Variants in PSD3 observed in about 807,000 individuals in gnomAD.
PSD3 encodes pleckstrin and Sec7 domain containing 3.
PSD3 carries 49 observed loss-of-function variants against 105.5 expected under a neutral mutation model. The ratio of observed to expected loss-of-function variants is 0.46; its 90% CI spans 0.37 to 0.59. The LOEUF (loss-of-function observed/expected upper bound fraction) is 0.59, where lower values mean the gene tolerates loss of function less well. PSD3 is among the 20% of genes least tolerant of loss of function. The pLI, the probability that PSD3 is intolerant of heterozygous loss-of-function variation, is 0.00. For synonymous variants in PSD3, 557 were observed against 457.8 expected (o/e 1.22, Z -2.77); for missense variants, 1,561 against 1,263.8 (o/e 1.24, Z -3.57).
chr8:18,594,645 A>G (rs1428698923), intron 12 of PSD3, among the ~76,000 whole-genome samples: 1 of 151,136 alleles, frequency 6.6e-6, no homozygotes, highest in African/African-American at 2.4e-5. Flanking sequence ...AGGACTTGGT[A>G]TCCGTGGGAG....
chr8:18,889,954 T>C (rs946660953), intron 2 of PSD3, among the ~76,000 whole-genome samples: 3 of 152,214 alleles, frequency 2.0e-5, no homozygotes, highest in African/African-American at 7.2e-5. Flanking sequence ...TTTTATTTGA[T>C]ATAATGTGTT....
chr8:18,582,035 CTTACT>C lies in PSD3; in HGVS notation c.2482-6755_2482-6751del, dbSNP rs890189822. On this transcript the variant is annotated intron_variant, in intron 12 of 15. Transcript: ENST00000327040. ...TGGGGGAAAGGAACAAAGATAAGGA[CTTACT>C]TTACTTTAGAGTTCAATCAACAACA... Among the ~76,000 whole-genome samples, 27 of 152,152 alleles carry C rather than the reference CTTACT, an allele frequency of 1.8e-4. 1 individual carries two copies. Among genetic ancestry groups the C allele is most frequent in the African/African-American group, 6.0e-4 (25 of 41,526 alleles).
chr8:19,055,563 CT>C (rs34398292), intron 1 of PSD3, among the ~76,000 whole-genome samples: 29 of 152,174 alleles, frequency 1.9e-4, no homozygotes, highest in Admixed American at 1.6e-3. Flanking sequence ...GATTTGTAGA[CT>C]TTTTTTTCAC....
chr8:18,645,783 A>G (rs951804264), intron 10 of PSD3, among the ~76,000 whole-genome samples: 4 of 152,202 alleles, frequency 2.6e-5, no homozygotes, highest in Non-Finnish European at 5.9e-5. Context: ...GAGCACCTCA[A>G]GTGGAGAACT....
intron 13 of PSD3, among the ~76,000 whole-genome samples, chr8:18,573,857 G>A (rs911863668): frequency 6.6e-6 from 1 of 152,128 alleles, no homozygotes; most frequent in Non-Finnish European, 1.5e-5. Flanking sequence ...TTCAAAACTA[G>A]ATTGTGGTGA....
intron 11 of PSD3, among the ~76,000 whole-genome samples, chr8:18,620,052 G>C (rs755747429): frequency 2.0e-5 from 3 of 152,244 alleles, no homozygotes; most frequent in East Asian, 1.9e-4. Context: ...CTGCTTCTAC[G>C]TGATAAGGGC....
intron 9 of PSD3, among the ~76,000 whole-genome samples, chr8:18,723,916 C>A (rs538893059): frequency 1.4e-4 from 22 of 152,152 alleles, no homozygotes; most frequent in Non-Finnish European, 2.8e-4. Context: ...ATGTGATTGG[C>A]AACTTCCGTT....
intron 1 of PSD3, among the ~76,000 whole-genome samples, chr8:18,946,179 T>C (rs1019256860): frequency 1.2e-4 from 18 of 152,170 alleles, no homozygotes; most frequent in Non-Finnish European, 1.8e-4. Context: ...TAATTAAAAA[T>C]TTTTTATTGC....
intron 4 of PSD3, among the ~76,000 whole-genome samples, chr8:18,841,771 A>C (rs920104116): frequency 6.6e-6 from 1 of 152,240 alleles, no homozygotes; most frequent in Non-Finnish European, 1.5e-5. Context: ...AGGCATAGAA[A>C]GATTCTTCTA....
At chr8:18,633,007 G>C (rs1301277379) in intron 10 of PSD3, among the ~76,000 whole-genome samples, 2 of 151,952 alleles carry the variant, frequency 1.3e-5, no homozygotes, top group African/African-American at 4.8e-5. Context: ...TTATAAGACT[G>C]ATATTAATAT....
intron 9 of PSD3, among the ~76,000 whole-genome samples, chr8:18,668,348 G>A (rs1375885265): frequency 6.6e-6 from 1 of 152,226 alleles, no homozygotes; most frequent in East Asian, 1.9e-4. Context: ...AATATTTCAT[G>A]TTTCGCCTGG....
chr8:18,953,081 C>G (rs545613956), intron 1 of PSD3, among the ~76,000 whole-genome samples: 41 of 152,242 alleles, frequency 2.7e-4, no homozygotes, highest in African/African-American at 9.6e-4. Context: ...ATTTAAGAAA[C>G]AGAAATACAA....
At chr8:19,076,105 T>TA (rs11390417) in intron 1 of PSD3, among the ~76,000 whole-genome samples, 120,582 of 151,886 alleles carry the variant, frequency 0.79, 48,602 homozygotes, top group East Asian at 0.86. Context: ...ATGCTCTCAA[T>TA]AAAAATACGG....
chr8:18,962,946 A>G (rs1208972497), intron 1 of PSD3, among the ~76,000 whole-genome samples: 1 of 152,204 alleles, frequency 6.6e-6, no homozygotes, highest in African/African-American at 2.4e-5. Context: ...CCTACACAAC[A>G]TATGTATTAG....
At chr8:19,056,098 T>C (rs1186763107) in intron 1 of PSD3, among the ~76,000 whole-genome samples, 7 of 152,266 alleles carry the variant, frequency 4.6e-5, no homozygotes, top group Non-Finnish European at 7.3e-5. Context: ...CTTTGACTTT[T>C]AATCTCATTG....
At chr8:18,583,319 C>G (rs968262600) in intron 12 of PSD3, among the ~76,000 whole-genome samples, 2 of 152,104 alleles carry the variant, frequency 1.3e-5, no homozygotes, top group Admixed American at 6.6e-5. Context: ...GTCCCAGCTA[C>G]TCAGGGGGCT....
At chr8:18,837,426 T>A (rs1278049679) in intron 4 of PSD3, among the ~76,000 whole-genome samples, 1 of 152,166 alleles carries the variant, frequency 6.6e-6, no homozygotes, top group Non-Finnish European at 1.5e-5. Context: ...TTCCTATGCA[T>A]ACGCCAAGCT....
At chr8:18,898,552 A>G (rs1819297883) in intron 2 of PSD3, among the ~76,000 whole-genome samples, 1 of 151,734 alleles carries the variant, frequency 6.6e-6, no homozygotes, top group Non-Finnish European at 1.5e-5. Flanking sequence ...GAAAATCCAC[A>G]TAACTTTTGA....
At chr8:19,080,452 T>C (rs977483916) in intron 1 of PSD3, among the ~76,000 whole-genome samples, 1 of 152,168 alleles carries the variant, frequency 6.6e-6, no homozygotes, top group African/African-American at 2.4e-5. Flanking sequence ...CAGACATTAG[T>C]TTGATTTTAA....
Sources: allele counts gnomAD v4.1 joint callset (sites outside exome capture counted in the v4.1 genomes callset), GRCh38; gene constraint gnomAD v4.1.1; transcripts MANE v1.5; gene names NCBI Gene and HGNC (gene_info 2026-07-23, HGNC 2026-07-21).